TENM4: variants seen among roughly 807,000 people sequenced by gnomAD.
TENM4 encodes the protein teneurin transmembrane protein 4.
TENM4 carries 82 observed loss-of-function variants against 243.3 expected under a neutral mutation model. That is an observed-to-expected ratio of 0.34 (90% CI 0.28 to 0.40). The LOEUF (loss-of-function observed/expected upper bound fraction) is 0.40, where lower values mean the gene tolerates loss of function less well. Among genes scored for constraint, TENM4 ranks in the 10% least tolerant of loss-of-function variants. The pLI, the probability that TENM4 is intolerant of heterozygous loss-of-function variation, is 1.00. For missense variants in TENM4, 3,138 were observed against 3,673.3 expected (o/e 0.85, Z 3.77); for synonymous variants, 1,412 against 1,456.3 (o/e 0.97, Z 0.69).
At position 79,423,004 on chromosome 11, in the gene TENM4, C is replaced by T. The variant is rs556909074; in HGVS notation, c.-321+17505G>A. On this transcript the variant is annotated intron_variant, in intron 1 of 33. Transcript: ENST00000278550. ...CATCCTGTCTTCTAAAGTAGACCAA[C>T]TGGTGAGCCTTCCAAGGATGCCGGA... is the stretch of plus-strand genomic sequence containing the variant. Among the ~76,000 whole-genome samples the T allele has an allele frequency of 3.9e-4, 60 of 152,298 alleles. 1 individual carries two copies. Among genetic ancestry groups the T allele is most frequent in the Admixed American group, 1.2e-3 (19 of 15,304 alleles).
At chr11:79,091,417 A>T (rs1860946942) in intron 4 of TENM4, among the ~76,000 whole-genome samples, 1 of 152,166 alleles carries the variant, frequency 6.6e-6, no homozygotes, top group Admixed American at 6.5e-5. Flanking sequence ...ATATAAAAAA[A>T]AATAAATCTC....
chr11:78,984,373 A>C (rs1328237019), intron 6 of TENM4, among the ~76,000 whole-genome samples: 1 of 152,124 alleles, frequency 6.6e-6, no homozygotes, highest in Non-Finnish European at 1.5e-5. Context: ...TGAAAGGAAA[A>C]GTTTTGGTGA....
intron 12 of TENM4, among the ~76,000 whole-genome samples, chr11:78,834,759 C>T (rs1858063350): frequency 6.6e-6 from 1 of 152,180 alleles, no homozygotes; most frequent in Admixed American, 6.5e-5. Context: ...GCCTCCGATC[C>T]TCTGCCAGGG....
At chr11:79,115,811 C>G (rs1308344862) in intron 4 of TENM4, among the ~76,000 whole-genome samples, 1 of 152,180 alleles carries the variant, frequency 6.6e-6, no homozygotes, top group Non-Finnish European at 1.5e-5. Flanking sequence ...TCTGCTCTTC[C>G]TATCATATCT....
At chr11:79,069,661 C>G in intron 5 of TENM4, 61 bp downstream of exon 5, 1 of 1,498,762 alleles carries the variant, frequency 6.7e-7, no homozygotes, top group Non-Finnish European at 8.9e-7. Flanking sequence ...CACCCGAGCC[C>G]ATGCCTACCT....
At chr11:78,726,333 G>A (rs1481541119) in intron 22 of TENM4, 111 bp from the exon 23 acceptor site, 5 of 1,327,086 alleles carry the variant, frequency 3.8e-6, no homozygotes, top group Non-Finnish European at 5.1e-6. Flanking sequence ...GGAAAAAAGG[G>A]TCATATTTCT....
intron 1 of TENM4, among the ~76,000 whole-genome samples, chr11:79,322,073 A>G (rs1245023748): frequency 6.6e-6 from 1 of 152,098 alleles, no homozygotes; most frequent in Non-Finnish European, 1.5e-5. Flanking sequence ...CCTTGCCTTA[A>G]CTTCCCTGCA....
intron 4 of TENM4, among the ~76,000 whole-genome samples, chr11:79,129,851 C>T (rs545511737): frequency 6.6e-6 from 1 of 152,252 alleles, no homozygotes; most frequent in South Asian, 2.1e-4. Context: ...TCTAGAGCCC[C>T]ACCCACCGCT....
At chr11:78,974,431 A>G (rs149869612) in intron 6 of TENM4, among the ~76,000 whole-genome samples, 53 of 152,298 alleles carry the variant, frequency 3.5e-4, no homozygotes, top group African/African-American at 1.2e-3. Context: ...GGGACACACA[A>G]CTTTTAAGGG....
At chr11:79,094,318 C>T (rs995245116) in intron 4 of TENM4, among the ~76,000 whole-genome samples, 5 of 152,176 alleles carry the variant, frequency 3.3e-5, no homozygotes, top group Admixed American at 2.6e-4. Context: ...TTATCCCTCA[C>T]AGCAGCTCTG....
At chr11:79,032,651 G>A (rs954920801) in intron 6 of TENM4, among the ~76,000 whole-genome samples, 6 of 144,748 alleles carry the variant, frequency 4.1e-5, no homozygotes, top group African/African-American at 1.7e-4. Flanking sequence ...AGGTTCTGGT[G>A]GGAGTCTGTG....
chr11:79,141,108 G>A (rs1293810605), intron 4 of TENM4, among the ~76,000 whole-genome samples: 1 of 152,092 alleles, frequency 6.6e-6, no homozygotes. Context: ...GAGACCTAGA[G>A]ACTTCTTCCT....
At chr11:79,103,538 C>T (rs1394890931) in intron 4 of TENM4, among the ~76,000 whole-genome samples, 2 of 152,132 alleles carry the variant, frequency 1.3e-5, no homozygotes, top group African/African-American at 4.8e-5. Context: ...TAGCATCACT[C>T]GCATACATTA....
intron 3 of TENM4, among the ~76,000 whole-genome samples, chr11:79,181,522 T>A (rs1215753891): frequency 1.3e-5 from 2 of 152,014 alleles, no homozygotes; most frequent in Admixed American, 6.6e-5. Context: ...CTGCTAAAAA[T>A]CAGGAAGAAA....
intron 1 of TENM4, among the ~76,000 whole-genome samples, chr11:79,382,393 G>T (rs551991): frequency 7.2e-5 from 11 of 151,892 alleles, no homozygotes; most frequent in African/African-American, 2.4e-4. Flanking sequence ...CTTCGCTTTC[G>T]GTGGAATGAA....
At chr11:79,341,642 A>G (rs901063034) in intron 1 of TENM4, among the ~76,000 whole-genome samples, 1 of 152,206 alleles carries the variant, frequency 6.6e-6, no homozygotes, top group Non-Finnish European at 1.5e-5. Flanking sequence ...TTGGGCCTCC[A>G]ACAACTGTAG....
chr11:79,293,446 G>T (rs1856389650), intron 2 of TENM4, among the ~76,000 whole-genome samples: 1 of 150,930 alleles, frequency 6.6e-6, no homozygotes, highest in Non-Finnish European at 1.5e-5. Flanking sequence ...GTTTGAGGCT[G>T]CAGTGAGCTG....
intron 4 of TENM4, among the ~76,000 whole-genome samples, chr11:79,095,606 G>T (rs1015382122): frequency 2.6e-5 from 4 of 152,006 alleles, no homozygotes; most frequent in Non-Finnish European, 5.9e-5. Flanking sequence ...GACCTCCAGA[G>T]GCCCTTCCAG....
At chr11:79,200,380 T>G (rs1222846745) in intron 3 of TENM4, among the ~76,000 whole-genome samples, 1 of 152,132 alleles carries the variant, frequency 6.6e-6, no homozygotes, top group Admixed American at 6.5e-5. Context: ...CTTTTAAAAG[T>G]CCACTTCACC....
Sources: allele counts gnomAD v4.1 joint callset (sites outside exome capture counted in the v4.1 genomes callset), GRCh38; gene constraint gnomAD v4.1.1; transcripts MANE v1.5; gene names NCBI Gene and HGNC (gene_info 2026-07-23, HGNC 2026-07-21).